The following PKHD1L1 variants were observed in gnomAD, a reference collection of about 807,000 sequenced individuals.
The protein encoded by PKHD1L1 is PKHD1 like 1, also known as fibrocystin-L.
In PKHD1L1, 434 loss-of-function variants were observed where a neutral mutation model predicts 462.9. The ratio of observed to expected loss-of-function variants is 0.94; its 90% CI spans 0.87 to 1.02. The LOEUF (loss-of-function observed/expected upper bound fraction) is 1.02, where lower values mean the gene tolerates loss of function less well. Ranked by LOEUF, PKHD1L1 falls within the 50% of genes least tolerant of loss-of-function variation. The probability of loss-of-function intolerance (pLI) is 0.00; values close to 1 mark genes in which losing one functional copy is unlikely to be tolerated. For missense variants in PKHD1L1, 5,202 were observed against 5,096.1 expected (o/e 1.02, Z -0.63); for synonymous variants, 1,781 against 1,750.0 (o/e 1.02, Z -0.44).
In PKHD1L1 at chr8:109,445,097, A is replaced by G. The variant is rs1166633238; in HGVS notation, c.5228A>G (p.Tyr1743Cys). Reference sequence around the variant, plus strand: ...TGCCAGGGAAACTGCACCTTTTCATACTTAGAAAGCATCACTCCTTACATA... The same window carrying G: ...TGCCAGGGAAACTGCACCTTTTCATGCTTAGAAAGCATCACTCCTTACATA... ...AQCQGNCTFSYLESITPYITG... is the reference protein window; with the variant it reads ...AQCQGNCTFSCLESITPYITG... The change falls in exon 38 of 78, where the codon TAC (tyrosine) becomes TGC (cysteine). Residue 1743 changes from tyrosine (Y) to cysteine (C), a missense_variant. By Grantham distance (194) the Tyr-to-Cys change is radical. Transcript: ENST00000378402. The G allele has an allele frequency of 6.2e-7, 1 of 1,613,978 alleles. No individual in the cohort carries two copies. Among genetic ancestry groups the G allele is most frequent in the Middle Eastern group, 1.6e-4 (1 of 6,062 alleles).
intron 48 of PKHD1L1, among the ~76,000 whole-genome samples, chr8:109,462,509 A>G (rs555026480): frequency 6.6e-6 from 1 of 152,114 alleles, no homozygotes; most frequent in African/African-American, 2.4e-5. Flanking sequence ...GCACATTCCT[A>G]TCTCAGGTCC....
intron 21 of PKHD1L1, among the ~76,000 whole-genome samples, chr8:109,415,148 G>A (rs1427057849): frequency 6.6e-6 from 1 of 151,700 alleles, no homozygotes; most frequent in Admixed American, 6.6e-5. Flanking sequence ...GACTGCAGGT[G>A]TGCACTACCA....
At position 109,489,970 on chromosome 8, in the gene PKHD1L1, A is replaced by G; in HGVS notation, c.9899A>G (p.Asn3300Ser). The change falls in exon 60 of 78, where the codon AAT becomes AGT. Residue 3300 changes from asparagine (N) to serine (S), a missense_variant. Physicochemically the swap from Asn to Ser is conservative, Grantham distance 46 (BLOSUM62 1). Transcript: ENST00000378402. ...MTFKGNARIS[N>S]VEFYHSGQEG... ...ACCTTAGGAAATGCAAGAATAAGTA[A>G]TGTGGAATTTTATCACAGTGGTCAA... 6.2e-7 allele frequency: 1 copy of G among 1,602,264 alleles called. No homozygotes were observed. The highest frequency in any genetic ancestry group is 8.5e-7 in the Non-Finnish European group (1 of 1,170,602).
intron 40 of PKHD1L1, among the ~76,000 whole-genome samples, chr8:109,449,817 T>G (rs1295385781): frequency 1.3e-5 from 2 of 152,204 alleles, no homozygotes; most frequent in Admixed American, 6.5e-5. Context: ...GGAGTTTCAT[T>G]AATGGCTATG....
At position 109,408,057 on chromosome 8, in the gene PKHD1L1, G is replaced by T; in HGVS notation, c.1822G>T (p.Asp608Tyr). The change falls in exon 18 of 78, where the codon GAT becomes TAT. Residue 608 changes from aspartate to tyrosine, a missense_variant. Asp to Tyr is a radical substitution (Grantham distance 160). Around this residue, in one of 3 missense-constraint regions of PKHD1L1, gnomAD observed 4,497 missense variants for 4,336.8 expected, o/e 1.04. Coordinates refer to ENST00000378402, the MANE Select transcript of PKHD1L1 (RefSeq NM_177531.6). Reference sequence around the variant, plus strand: ...TTGTCACTTAATTTCAGGAGACTTTGATCTGCTTGGTTATGAAGTAGTTGA... The same window carrying T: ...TTGTCACTTAATTTCAGGAGACTTTTATCTGCTTGGTTATGAAGTAGTTGA... The part of the protein sequence containing the change: ...VTFISTRGDF[D>Y]LLGYEVVEGN... 1 of 1,595,688 alleles carries T rather than the reference G, an allele frequency of 6.3e-7. No homozygotes were observed. Among genetic ancestry groups the T allele is most frequent in the Non-Finnish European group, 8.5e-7 (1 of 1,169,714 alleles).
chr8:109,388,407 A>T, intron 6 of PKHD1L1, 90 bp from the exon 7 acceptor site: 1 of 906,606 alleles, frequency 1.1e-6, no homozygotes, highest in Non-Finnish European at 1.7e-6. Context: ...AAAAAAATTT[A>T]AGGGAACCAG....
At chr8:109,440,358 CTTTT>C (rs1215043180) in intron 32 of PKHD1L1, among the ~76,000 whole-genome samples, 5 of 152,066 alleles carry the variant, frequency 3.3e-5, no homozygotes, top group African/African-American at 9.6e-5. Flanking sequence ...GCAGAGCTGC[CTTTT>C]TGTTTTAGTT....
chr8:109,460,352 G>T (rs1334518078), intron 47 of PKHD1L1, among the ~76,000 whole-genome samples: 1 of 151,978 alleles, frequency 6.6e-6, no homozygotes, highest in Admixed American at 6.6e-5. Context: ...TGTGAGAGTG[G>T]GTTTACTGTA....
rs376271862 is a variant in PKHD1L1, at chr8:109,404,524, G to T, written c.1374-30G>T. On this transcript the variant is annotated intron_variant, in intron 14 of 77. Transcript: ENST00000378402. Reference sequence around the variant, plus strand: ...TTCATGGCAAGTGTTCTGGAAAAAAGTTATATTCATTAGTTACTCTATTTT... The same window carrying T: ...TTCATGGCAAGTGTTCTGGAAAAAATTTATATTCATTAGTTACTCTATTTT... 7.6e-5 allele frequency: 105 copies of T among 1,382,000 alleles called. 1 individual carries two copies. Among genetic ancestry groups the T allele is most frequent in the Admixed American group, 1.0e-4 (4 of 39,944 alleles). The allele number at this position is 1,382,000 out of a possible 1,614,324, so 85.6% of individuals were successfully genotyped here.
chr8:109,450,194 T>C (rs1267781867), intron 40 of PKHD1L1, among the ~76,000 whole-genome samples: 1 of 152,178 alleles, frequency 6.6e-6, no homozygotes, highest in South Asian at 2.1e-4. Flanking sequence ...TCTAATTCAA[T>C]GGATTGTTGT....
chr8:109,517,020 T>C (rs1050588967), intron 72 of PKHD1L1, among the ~76,000 whole-genome samples: 13 of 152,086 alleles, frequency 8.5e-5, no homozygotes, highest in African/African-American at 3.1e-4. Flanking sequence ...TAGATATTAA[T>C]AAAACATTTC....
intron 59 of PKHD1L1, among the ~76,000 whole-genome samples, chr8:109,488,698 C>G (rs1371633257): frequency 6.6e-6 from 1 of 151,894 alleles, no homozygotes; most frequent in South Asian, 2.1e-4. Flanking sequence ...ACTATAGCCT[C>G]TACTTGTTGG....
At chr8:109,404,863 A>G in intron 15 of PKHD1L1, 132 bp from the exon 16 acceptor site, 1 of 1,126,576 alleles carries the variant, frequency 8.9e-7, no homozygotes, top group Non-Finnish European at 1.2e-6. Flanking sequence ...TTTGTACGAT[A>G]AGCCAAAAAG....
At position 109,530,791 on chromosome 8, in the gene PKHD1L1, C is replaced by T. The variant is rs1384208765; in HGVS notation, c.*701C>T. On this transcript the variant is annotated 3_prime_UTR_variant, in exon 78 of 78. Coordinates refer to ENST00000378402, the MANE Select transcript of PKHD1L1 (RefSeq NM_177531.6). ...CCCTCCTTCCCACTCAAAACTGCCA[C>T]TACTAAGAGCAGGACTCCCCTCAAC... 6.6e-6 allele frequency among the ~76,000 whole-genome samples: 1 copy of T among 152,118 alleles called. No homozygotes were observed. Among genetic ancestry groups the T allele is most frequent in the Admixed American group, 6.6e-5 (1 of 15,266 alleles).
intron 67 of PKHD1L1, among the ~76,000 whole-genome samples, chr8:109,501,817 A>G (rs1479636382): frequency 6.6e-6 from 1 of 152,156 alleles, no homozygotes; most frequent in African/African-American, 2.4e-5. Context: ...TTCTGTATTG[A>G]ATGCTTATTG....
rs780152673 is a variant in PKHD1L1, at chr8:109,464,351, A to G, written c.7519A>G (p.Asn2507Asp). Residue 2507 changes from asparagine to aspartate, a missense_variant, in exon 49 of 78, where the codon AAC becomes GAC. Asn to Asp is a conservative substitution (Grantham distance 23). Transcript: ENST00000378402. ...QAYNRAVTIH[N>D]THHLLVERNI... ...CTATAACAGAGCTGTTACTATTCATAACACACACCATCTTCTGGTTGAGAG... is the reference window on the plus strand; with the variant it reads ...CTATAACAGAGCTGTTACTATTCATGACACACACCATCTTCTGGTTGAGAG... The G allele has an allele frequency of 1.2e-5, 19 of 1,613,374 alleles. No homozygotes were observed. The highest frequency in any genetic ancestry group is 1.6e-5 in the Non-Finnish European group (19 of 1,179,586).
At chr8:109,511,447 T>C (rs1016640172) in intron 71 of PKHD1L1, among the ~76,000 whole-genome samples, 1 of 150,434 alleles carries the variant, frequency 6.6e-6, no homozygotes, top group African/African-American at 2.4e-5. Flanking sequence ...ATGTGGTGTT[T>C]GGTTTTTTGT....
rs763004904 is a variant in PKHD1L1 at position 109,425,105 on chromosome 8, G to A, written c.2718G>A (p.Glu906=). ...ATTAGATAATCACACATGAGACAGA[G>A]AACGAGTTTGTCTACAGAGGAAATA... The part of the protein sequence containing the change: ...SFGQIITHET[E]NEFVYRGNNW... The change falls in exon 24 of 78, where the codon GAG becomes GAA. Residue 906 remains glutamate (E), a synonymous_variant. Coordinates refer to ENST00000378402, the MANE Select transcript of PKHD1L1 (RefSeq NM_177531.6). 2.5e-6 allele frequency: 4 copies of A among 1,588,608 alleles called. No individual in the cohort carries two copies. The East Asian group carries it at 9.2e-5, about 37-fold the overall frequency.
chr8:109,388,436 G>A (rs1324202419), intron 6 of PKHD1L1, 61 bp from the exon 7 acceptor site: 18 of 1,198,658 alleles, frequency 1.5e-5, no homozygotes, highest in East Asian at 2.6e-5. Flanking sequence ...TGGGAGGAGT[G>A]CATTTTTGAA....
Sources: gnomAD v4.1 joint callset for allele counts (sites outside exome capture counted in the v4.1 genomes callset) on GRCh38, gnomAD v4.1.1 for gene constraint, gnomAD v4.1.1 regional missense constraint, MANE v1.5 for transcripts, NCBI Gene and HGNC (gene_info 2026-07-23, HGNC 2026-07-21) for gene names.